Variants in NRG1 observed in about 807,000 individuals in gnomAD.
NRG1 encodes the protein pro-neuregulin-1, membrane-bound isoform.
NRG1 carries 18 observed loss-of-function variants against 63.8 expected under a neutral mutation model. That is an observed-to-expected ratio of 0.28 (90% confidence interval 0.19 to 0.42). The LOEUF is 0.42. NRG1 is among the 10% of genes least tolerant of loss of function. NRG1 has a pLI of 1.00. For synonymous variants in NRG1, 302 were observed against 301.3 expected (o/e 1.00, Z -0.02); for missense variants, 762 against 814.7 (o/e 0.94, Z 0.79).
chr8:32,153,987 T>A (rs950015022), intron 1 of NRG1, among the ~76,000 whole-genome samples: 7 of 152,192 alleles, frequency 4.6e-5, no homozygotes, highest in Non-Finnish European at 8.8e-5. Context: ...TGGGAACAAG[T>A]CCTACTGAAC....
chr8:31,960,496 T>C (rs1272823332), intron 1 of NRG1, among the ~76,000 whole-genome samples: 1 of 152,230 alleles, frequency 6.6e-6, no homozygotes, highest in African/African-American at 2.4e-5. Context: ...TCCTCTCTGA[T>C]GAAGATTAAT....
At chr8:31,994,930 A>G (rs908564372) in intron 1 of NRG1, among the ~76,000 whole-genome samples, 1 of 151,996 alleles carries the variant, frequency 6.6e-6, no homozygotes, top group African/African-American at 2.4e-5. Flanking sequence ...TTTAAAAATC[A>G]TAAAGATCTT....
rs553465210 is a variant in NRG1 at position 32,666,642 on chromosome 8, A to G, written c.502+49757A>G. Among the ~76,000 whole-genome samples the G allele has an allele frequency of 2.0e-5, 3 of 152,318 alleles. No individual in the cohort carries two copies. The South Asian group carries it at 6.2e-4, about 32-fold the overall frequency. ...TTTGATTCATCGTGGTAAAATATGCATACCATGAAATTTGCTGTCTTAGCC... is the reference window on the plus strand; with the variant it reads ...TTTGATTCATCGTGGTAAAATATGCGTACCATGAAATTTGCTGTCTTAGCC... On this transcript the variant is annotated intron_variant, in intron 5 of 11. Transcript: ENST00000356819.
intron 1 of NRG1, among the ~76,000 whole-genome samples, chr8:32,389,248 T>C (rs1284866432): frequency 6.6e-6 from 1 of 152,176 alleles, no homozygotes; most frequent in Non-Finnish European, 1.5e-5. Flanking sequence ...GACGATTTTG[T>C]AATGCTTGGC....
intron 1 of NRG1, among the ~76,000 whole-genome samples, chr8:32,577,486 A>G (rs1486923486): frequency 1.3e-5 from 2 of 152,224 alleles, no homozygotes; most frequent in African/African-American, 4.8e-5. Context: ...AAACAAAGCA[A>G]GACAAAACAA....
intron 1 of NRG1, among the ~76,000 whole-genome samples, chr8:32,348,129 C>A (rs1296908294): frequency 6.6e-6 from 1 of 152,208 alleles, no homozygotes; most frequent in Non-Finnish European, 1.5e-5. Flanking sequence ...TTGAGTGGTC[C>A]TGCACACCCA....
chr8:31,846,343 A>G (rs1826684485), intron 1 of NRG1, among the ~76,000 whole-genome samples: 1 of 152,212 alleles, frequency 6.6e-6, no homozygotes. Flanking sequence ...TTCAGGCTGA[A>G]AGGCCTAAAG....
At chr8:32,622,737 A>G (rs1239917156) in intron 5 of NRG1, among the ~76,000 whole-genome samples, 2 of 152,146 alleles carry the variant, frequency 1.3e-5, no homozygotes, top group Non-Finnish European at 1.5e-5. Flanking sequence ...ATTTATTTTA[A>G]ACATATATTG....
At chr8:32,041,874 T>C (rs1009329613) in intron 1 of NRG1, among the ~76,000 whole-genome samples, 1 of 152,178 alleles carries the variant, frequency 6.6e-6, no homozygotes, top group Admixed American at 6.5e-5. Flanking sequence ...TATTAGTGCC[T>C]GGGCTCAAAT....
chr8:32,743,315 TC>T (rs1311085151), intron 7 of NRG1: 1 of 723,088 alleles, frequency 1.4e-6, no homozygotes, highest in African/African-American at 1.9e-5. Flanking sequence ...AACAAACATT[TC>T]ACAGCAAATG....
rs190279531 is a variant in NRG1 at position 32,428,863 on chromosome 8, G to T, written c.38-166965G>T. On this transcript the variant is annotated intron_variant, in intron 1 of 10. Transcript: ENST00000519301. Reference sequence around the variant, plus strand: ...TTTTCCAGTTGGTTCAAGACCTAGAGAAATTTCTACAGACTCTCTCATACC... The same window carrying T: ...TTTTCCAGTTGGTTCAAGACCTAGATAAATTTCTACAGACTCTCTCATACC... Among the ~76,000 whole-genome samples, 18 of 152,298 alleles carry T rather than the reference G, an allele frequency of 1.2e-4. No homozygotes were observed. In the East Asian group the frequency reaches 3.1e-3, roughly 26 times the overall value.
intron 1 of NRG1, among the ~76,000 whole-genome samples, chr8:31,993,732 T>C (rs1811464238): frequency 6.6e-6 from 1 of 152,006 alleles, no homozygotes; most frequent in Non-Finnish European, 1.5e-5. Flanking sequence ...ACAGACTCCA[T>C]CACAGACCTT....
At chr8:32,406,350 A>C (rs568634457) in intron 1 of NRG1, among the ~76,000 whole-genome samples, 1 of 152,216 alleles carries the variant, frequency 6.6e-6, no homozygotes, top group Non-Finnish European at 1.5e-5. Context: ...TTTATCATCT[A>C]TAAAATGGGA....
At chr8:32,308,493 T>C (rs529753297) in intron 1 of NRG1, among the ~76,000 whole-genome samples, 1 of 152,356 alleles carries the variant, frequency 6.6e-6, no homozygotes, top group Non-Finnish European at 1.5e-5. Flanking sequence ...TAGCTTTTTC[T>C]TCCCTTAAAT....
chr8:32,250,051 G>A lies in NRG1; in HGVS notation c.38-345777G>A, dbSNP rs375945796. On this transcript the variant is annotated intron_variant, in intron 1 of 10. Coordinates refer to the NRG1 transcript ENST00000519301. ...TTAGTTGTTTGCCAGACACTAAAGG[G>A]TAGAGAGGTTTCTTAATCATTACTC... Among the ~76,000 whole-genome samples the A allele has an allele frequency of 1.6e-4, 25 of 152,190 alleles. 1 individual carries two copies. Among genetic ancestry groups the A allele is most frequent in the African/African-American group, 5.5e-4 (23 of 41,544 alleles).
intron 1 of NRG1, among the ~76,000 whole-genome samples, chr8:32,360,783 C>T (rs1250853581): frequency 1.3e-5 from 2 of 152,152 alleles, no homozygotes; most frequent in African/African-American, 4.8e-5. Flanking sequence ...CCCCCAGTTC[C>T]CTTAACTATC....
At chr8:31,893,577 A>T (rs1563534985) in intron 1 of NRG1, among the ~76,000 whole-genome samples, 2 of 151,694 alleles carry the variant, frequency 1.3e-5, no homozygotes, top group Non-Finnish European at 3.0e-5. Flanking sequence ...TAAATAATAA[A>T]AAAATCATAA....
intron 1 of NRG1, among the ~76,000 whole-genome samples, chr8:32,496,706 T>C (rs1433278459): frequency 6.6e-6 from 1 of 152,220 alleles, no homozygotes; most frequent in Non-Finnish European, 1.5e-5. Context: ...TCTGTCTTTT[T>C]AAAATGACTG....
rs537359314 is a variant in NRG1 at position 32,100,543 on chromosome 8, CT to C, written c.37+461123del. 9.7e-4 allele frequency among the ~76,000 whole-genome samples: 142 copies of C among 145,714 alleles called. 2 individuals carry two copies. Among genetic ancestry groups the C allele is most frequent in the African/African-American group, 2.3e-3 (92 of 39,688 alleles). On this transcript the variant is annotated intron_variant, in intron 1 of 10. Coordinates refer to the NRG1 transcript ENST00000519301. ...GCTCTTCTCATTATACAGCACAATA[CT>C]TTTTTTTTTTATAAAATGGGAAAGT...
Sources: allele counts gnomAD v4.1 joint callset (sites outside exome capture counted in the v4.1 genomes callset), GRCh38; gene constraint gnomAD v4.1.1; transcripts MANE v1.5; gene names NCBI Gene and HGNC (gene_info 2026-07-23, HGNC 2026-07-21).